PJA2: variants seen among roughly 807,000 people sequenced by gnomAD.
PJA2 encodes the protein praja ring finger ubiquitin ligase 2.
Under a neutral mutation model 69.3 loss-of-function variants are expected in PJA2, and 25 were observed. That is an observed-to-expected ratio of 0.36 (90% CI 0.26 to 0.50). The LOEUF (loss-of-function observed/expected upper bound fraction) is 0.50. PJA2 is among the 20% of genes least tolerant of loss of function. The pLI is 0.96. For synonymous variants in PJA2, 308 were observed against 277.8 expected (o/e 1.11, Z -1.08); for missense variants, 809 against 830.2 (o/e 0.97, Z 0.31).
At position 109,368,718 on chromosome 5, in the gene PJA2, C is replaced by G. The variant is rs201874168; in HGVS notation, c.1312G>C (p.Ala438Pro). ...CCAGAAAATCGATGAGGCAAAGAAG[C>G]AGACCATTCCCCATCACTGCATTCA... is the stretch of plus-strand genomic sequence containing the variant. Reference protein sequence around the residue: ...SSECSDGEWSASLPHRFSGTE... With the variant: ...SSECSDGEWSPSLPHRFSGTE... Residue 438 changes from alanine (A) to proline (P), a missense_variant, in exon 5 of 10, where the codon GCT (alanine) becomes CCT (proline). By Grantham distance (27) the Ala-to-Pro change is conservative. Transcript: ENST00000361189. 12 of 1,613,636 alleles carry G rather than the reference C, an allele frequency of 7.4e-6. No individual in the cohort carries two copies. In the African/African-American group the frequency reaches 8.0e-5, roughly 11 times the overall value.
At chr5:109,378,079 AT>A (rs1746933955) in intron 4 of PJA2, 124 bp downstream of exon 4, 1 of 677,624 alleles carries the variant, frequency 1.5e-6, no homozygotes, top group East Asian at 2.8e-5. Context: ...GTAAATAAAA[AT>A]ATTTGGTAAG....
intron 9 of PJA2, among the ~76,000 whole-genome samples, chr5:109,341,852 C>T (rs1582579979): frequency 9.1e-6 from 1 of 109,734 alleles, no homozygotes; most frequent in African/African-American, 3.2e-5. Flanking sequence ...GCCTGGCCAG[C>T]CGCCCCGTCC....
At chr5:109,344,157 TA>T in intron 9 of PJA2, 32 bp downstream of exon 9, 1 of 1,347,402 alleles carries the variant, frequency 7.4e-7, no homozygotes, top group Non-Finnish European at 9.8e-7. Context: ...ACTATTAAAG[TA>T]TTTTTAAATT....
At chr5:109,345,505 C>A (rs1186269067) in intron 7 of PJA2, among the ~76,000 whole-genome samples, 1 of 114,474 alleles carries the variant, frequency 8.7e-6, no homozygotes. Context: ...CAGAGCGAGA[C>A]TCTGTCTCAA....
intron 9 of PJA2, among the ~76,000 whole-genome samples, chr5:109,341,159 G>A (rs1327627871): frequency 1.7e-4 from 18 of 108,940 alleles, no homozygotes; most frequent in South Asian, 3.5e-4. Flanking sequence ...AGTGAGGAGC[G>A]TCTCCGCCCG....
rs2914710 is a variant in PJA2, at chr5:109,409,570, T to C, written c.-88+272A>G. ...CAGCGAAGACCCCGATACCAACCAA[T>C]GTCATCTGTCGGGGGGCGGCGGGCG... On this transcript the variant is annotated intron_variant, in intron 1 of 9. Transcript: ENST00000361189. Among the ~76,000 whole-genome samples, 1,303 of 151,878 alleles carry C rather than the reference T, an allele frequency of 8.6e-3. 10 individuals are homozygous for C. The highest frequency in any genetic ancestry group is 0.012 in the Non-Finnish European group (798 of 67,950).
chr5:109,358,955 A>T (rs1438715859), intron 6 of PJA2, among the ~76,000 whole-genome samples: 1 of 152,212 alleles, frequency 6.6e-6, no homozygotes, highest in African/African-American at 2.4e-5. Flanking sequence ...TTCACGCTAG[A>T]AGCCTACTGA....
At position 109,335,586 on chromosome 5, in the gene PJA2, C is replaced by T. The variant is rs1424855198; in HGVS notation, c.*1645G>A. On this transcript the variant is annotated 3_prime_UTR_variant, in exon 10 of 10. Transcript: ENST00000361189. ...CTTAAAAGGAAACAAACAAAAATCA[C>T]ACTAGCCACAAATTTCCACCATATA... The T allele has an allele frequency of 6.6e-6, 1 of 152,140 alleles. No homozygotes were observed. The highest frequency in any genetic ancestry group is 1.5e-5 in the Non-Finnish European group (1 of 68,014). 9.4% of individuals were successfully genotyped at this position (152,140 alleles called of 1,614,324 possible). A position where few individuals can be genotyped will look rare whatever the true frequency, so the allele number is the denominator to read the frequency against.
Position 109,381,654 on chromosome 5 carries a change from C to T in PJA2, c.81G>A (p.Gly27=), listed in dbSNP as rs759458569. The T allele has an allele frequency of 3.7e-6, 6 of 1,613,866 alleles. No homozygotes were observed. Among genetic ancestry groups the T allele is most frequent in the African/African-American group, 1.3e-5 (1 of 74,880 alleles). ...GKAVWPKPAG[G]YQTITGRRYG... ...ATCTCCTGCCTGTAATTGTCTGATA[C>T]CCTCCTGCTGGTTTGGGCCAGACAG... is the stretch of plus-strand genomic sequence containing the variant. The change falls in exon 3 of 10, where the codon GGG becomes GGA. Residue 27 remains glycine (G), a synonymous_variant. Transcript: ENST00000361189.
intron 3 of PJA2, among the ~76,000 whole-genome samples, chr5:109,380,692 C>G (rs959792331): frequency 6.6e-6 from 1 of 150,604 alleles, no homozygotes; most frequent in Non-Finnish European, 1.5e-5. Context: ...GTAGTCCCAG[C>G]TACTTGGGAG....
Position 109,378,957 on chromosome 5 carries a change from T to A in PJA2, c.530A>T (p.Asp177Val). The A allele has an allele frequency of 1.2e-6, 2 of 1,614,188 alleles. No individual in the cohort carries two copies. Among genetic ancestry groups the A allele is most frequent in the Non-Finnish European group, 1.7e-6 (2 of 1,180,020 alleles). ...SYDPDGKHGE[D>V]NDHLQLSAEV... ...TGCAGAAAGTTGAAGATGGTCATTATCTTCTCCATGTTTGCCATCTGGATC... is the reference window on the plus strand; with the variant it reads ...TGCAGAAAGTTGAAGATGGTCATTAACTTCTCCATGTTTGCCATCTGGATC... The change falls in exon 4 of 10, where the codon GAT becomes GTT. Residue 177 changes from aspartate (D) to valine (V), a missense_variant. Physicochemically the swap from Asp to Val is radical, Grantham distance 152. Transcript: ENST00000361189.
intron 1 of PJA2, among the ~76,000 whole-genome samples, chr5:109,401,450 C>A (rs1163997566): frequency 6.6e-6 from 1 of 151,878 alleles, no homozygotes; most frequent in Non-Finnish European, 1.5e-5. Flanking sequence ...CAGAGCGAGA[C>A]CTTGTCTCAA....
intron 1 of PJA2, among the ~76,000 whole-genome samples, chr5:109,391,971 C>T (rs1747291698): frequency 6.6e-6 from 1 of 152,122 alleles, no homozygotes; most frequent in Admixed American, 6.5e-5. Context: ...GAAGAAAAAT[C>T]CCATACTCAT....
intron 4 of PJA2, among the ~76,000 whole-genome samples, chr5:109,377,019 C>T (rs1490146188): frequency 6.6e-6 from 1 of 151,968 alleles, no homozygotes; most frequent in African/African-American, 2.4e-5. Flanking sequence ...ACACTGTGGG[C>T]TTGAACTGAA....
intron 1 of PJA2, among the ~76,000 whole-genome samples, chr5:109,406,628 C>T (rs1747698690): frequency 6.6e-6 from 1 of 152,154 alleles, no homozygotes; most frequent in Admixed American, 6.5e-5. Flanking sequence ...TTCTTATAAA[C>T]ATCCATGTAT....
At chr5:109,407,100 G>T (rs988353975) in intron 1 of PJA2, among the ~76,000 whole-genome samples, 2 of 152,134 alleles carry the variant, frequency 1.3e-5, no homozygotes, top group South Asian at 4.1e-4. Context: ...CTTAATTGTG[G>T]TATGAAAATA....
chr5:109,391,004 G>A (rs974587915), intron 1 of PJA2, among the ~76,000 whole-genome samples: 1 of 152,028 alleles, frequency 6.6e-6, no homozygotes, highest in Admixed American at 6.6e-5. Flanking sequence ...AGATGCTCCT[G>A]GACTTAAAAT....
intron 3 of PJA2, among the ~76,000 whole-genome samples, 175 bp from the exon 4 acceptor site, chr5:109,379,429 T>C (rs1218489231): frequency 6.6e-6 from 1 of 152,230 alleles, no homozygotes; most frequent in Non-Finnish European, 1.5e-5. Flanking sequence ...GATTACTCTA[T>C]GAGTTCATTT....
chr5:109,402,440 G>C (rs948705037), intron 1 of PJA2, among the ~76,000 whole-genome samples: 2 of 152,140 alleles, frequency 1.3e-5, no homozygotes, highest in Non-Finnish European at 2.9e-5. Context: ...CAGAGATAAA[G>C]AGGGCATTAT....
Sources: allele counts gnomAD v4.1 joint callset (sites outside exome capture counted in the v4.1 genomes callset), GRCh38; gene constraint gnomAD v4.1.1; transcripts MANE v1.5; gene names NCBI Gene and HGNC (gene_info 2026-07-23, HGNC 2026-07-21).